The following LRP1B variants were observed in gnomAD, a reference collection of about 807,000 sequenced individuals.
The protein encoded by LRP1B is LDL receptor related protein 1B.
Under a neutral mutation model 556.6 loss-of-function variants are expected in LRP1B, and 217 were observed. The ratio of observed to expected loss-of-function variants is 0.39; its 90% CI spans 0.35 to 0.44. The LOEUF (loss-of-function observed/expected upper bound fraction) is 0.44. LRP1B is among the 20% of genes least tolerant of loss of function. The probability of loss-of-function intolerance (pLI) is 1.00; values close to 1 mark genes in which losing one functional copy is unlikely to be tolerated. For synonymous variants in LRP1B, 2,047 were observed against 1,865.8 expected, an observed-to-expected ratio of 1.10 and a Z score of -2.50; for missense variants, 5,053 against 5,620.8, an observed-to-expected ratio of 0.90 and a Z score of 3.23.
At chr2:140,952,119 T>G (rs1573915518) in intron 18 of LRP1B, among the ~76,000 whole-genome samples, 179 bp from the exon 19 acceptor site, 2 of 152,272 alleles carry the variant, frequency 1.3e-5, no homozygotes, top group Non-Finnish European at 2.9e-5. Flanking sequence ...CACACATACT[T>G]TTAATATACT....
chr2:141,287,173 C>T (rs1685752452), intron 3 of LRP1B, among the ~76,000 whole-genome samples: 1 of 152,058 alleles, frequency 6.6e-6, no homozygotes, highest in Non-Finnish European at 1.5e-5. Context: ...TTCTCTATTA[C>T]TTGTTTTCAA....
intron 1 of LRP1B, among the ~76,000 whole-genome samples, chr2:141,938,285 T>C (rs192711461): frequency 2.0e-5 from 3 of 152,270 alleles, no homozygotes; most frequent in Admixed American, 2.0e-4. Context: ...AATGAGATGA[T>C]TAGAAAAGGA....
intron 77 of LRP1B, among the ~76,000 whole-genome samples, chr2:140,347,071 G>C (rs1274033470): frequency 6.6e-6 from 1 of 151,678 alleles, no homozygotes; most frequent in Non-Finnish European, 1.5e-5. Context: ...AAAGTTATTT[G>C]CATTTTTCCA....
At chr2:142,099,538 G>C (rs1384220808) in intron 1 of LRP1B, among the ~76,000 whole-genome samples, 1 of 151,818 alleles carries the variant, frequency 6.6e-6, no homozygotes, top group Non-Finnish European at 1.5e-5. Flanking sequence ...TCCTTCAGAA[G>C]CTTATTTATC....
intron 2 of LRP1B, among the ~76,000 whole-genome samples, chr2:141,632,857 T>C (rs1392272320): frequency 8.9e-6 from 1 of 112,756 alleles, no homozygotes; most frequent in East Asian, 2.5e-4. Context: ...TTGTGTTAAG[T>C]GCTACAAGAA....
chr2:141,644,585 T>G (rs1245077469), intron 2 of LRP1B, among the ~76,000 whole-genome samples: 1 of 152,122 alleles, frequency 6.6e-6, no homozygotes, highest in East Asian at 1.9e-4. Context: ...TGACATACAA[T>G]GCTTTAATAC....
intron 41 of LRP1B, among the ~76,000 whole-genome samples, chr2:140,698,546 C>G (rs1409262205): frequency 6.6e-6 from 1 of 152,018 alleles, no homozygotes; most frequent in African/African-American, 2.4e-5. Context: ...TAAAAGACAG[C>G]TGGATTCTCC....
intron 41 of LRP1B, among the ~76,000 whole-genome samples, chr2:140,665,114 A>G (rs992256307): frequency 6.6e-6 from 1 of 152,222 alleles, no homozygotes; most frequent in South Asian, 2.1e-4. Context: ...GAGAATAGCA[A>G]GAAAGTTTGT....
At chr2:140,832,345 G>A (rs1019011140) in intron 31 of LRP1B, among the ~76,000 whole-genome samples, 5 of 152,072 alleles carry the variant, frequency 3.3e-5, no homozygotes, top group Non-Finnish European at 5.9e-5. Flanking sequence ...ATGGAAAACA[G>A]TATGAAGATT....
At chr2:141,043,138 G>T (rs1290122549) in intron 11 of LRP1B, among the ~76,000 whole-genome samples, 1 of 151,082 alleles carries the variant, frequency 6.6e-6, no homozygotes, top group African/African-American at 2.4e-5. Context: ...AGGAGGAGGA[G>T]GATGCAGTGA....
At chr2:140,422,908 C>T (rs531105376) in intron 66 of LRP1B, among the ~76,000 whole-genome samples, 7 of 152,214 alleles carry the variant, frequency 4.6e-5, no homozygotes, top group East Asian at 3.9e-4. Context: ...CCTTTTATTG[C>T]GGCTTAGAAA....
intron 2 of LRP1B, among the ~76,000 whole-genome samples, chr2:141,775,865 C>T (rs1574346864): frequency 7.4e-6 from 1 of 134,784 alleles, no homozygotes. Flanking sequence ...TTTTCTGAGA[C>T]GGAGTCTTGC....
At chr2:141,529,435 T>TAATAA (rs1461589512) in intron 2 of LRP1B, among the ~76,000 whole-genome samples, 1 of 152,176 alleles carries the variant, frequency 6.6e-6, no homozygotes, top group Non-Finnish European at 1.5e-5. Context: ...CAAACAGAGA[T>TAATAA]ATCAATAAAC....
At position 140,299,335 on chromosome 2, in the gene LRP1B, A is replaced by T. The variant is rs544777539; in HGVS notation, c.12806-1366T>A. Among the ~76,000 whole-genome samples the T allele has an allele frequency of 2.0e-5, 3 of 152,250 alleles. No individual in the cohort carries two copies. In the East Asian group the frequency reaches 5.8e-4, roughly 29 times the overall value. ...TAACTTTACTTTGAAAGGACTCTACATGCTCAAAAATGCTAGAGACTGATG... is the reference window on the plus strand; with the variant it reads ...TAACTTTACTTTGAAAGGACTCTACTTGCTCAAAAATGCTAGAGACTGATG... On this transcript the variant is annotated intron_variant, in intron 83 of 90. Coordinates refer to ENST00000389484, the MANE Select transcript of LRP1B (RefSeq NM_018557.3).
intron 13 of LRP1B, among the ~76,000 whole-genome samples, chr2:141,014,228 G>A (rs888709893): frequency 2.0e-5 from 3 of 152,076 alleles, no homozygotes; most frequent in Middle Eastern, 3.4e-3. Flanking sequence ...TACTTTAATT[G>A]AGCCAATGCA....
intron 7 of LRP1B, among the ~76,000 whole-genome samples, chr2:141,151,214 G>A (rs1260065136): frequency 2.0e-5 from 3 of 152,128 alleles, no homozygotes; most frequent in Non-Finnish European, 4.4e-5. Flanking sequence ...ATCTTATGGA[G>A]ATGGATGTTC....
At chr2:140,338,165 G>C (rs1186282282) in intron 77 of LRP1B, among the ~76,000 whole-genome samples, 1 of 151,662 alleles carries the variant, frequency 6.6e-6, no homozygotes, top group Non-Finnish European at 1.5e-5. Flanking sequence ...CTGGAACAAG[G>C]AATCCCTAAT....
intron 3 of LRP1B, among the ~76,000 whole-genome samples, chr2:141,339,959 A>G (rs906922867): frequency 6.6e-6 from 1 of 152,042 alleles, no homozygotes; most frequent in African/African-American, 2.4e-5. Context: ...TGGAGTCTCC[A>G]GGTGTCTCTC....
intron 2 of LRP1B, among the ~76,000 whole-genome samples, chr2:141,706,221 A>C (rs1325933262): frequency 1.3e-5 from 2 of 152,034 alleles, no homozygotes; most frequent in Admixed American, 1.3e-4. Context: ...CTCAACGCTG[A>C]GGAATAAATT....
Sources: allele counts gnomAD v4.1 joint callset (sites outside exome capture counted in the v4.1 genomes callset), GRCh38; gene constraint gnomAD v4.1.1; transcripts MANE v1.5; gene names NCBI Gene and HGNC (gene_info 2026-07-23, HGNC 2026-07-21).